Variants in RNLS observed in about 807,000 individuals in gnomAD.
RNLS encodes the protein renalase.
A neutral mutation model predicts 39.8 loss-of-function variants in RNLS; 39 were observed. That is an observed-to-expected ratio of 0.98 (90% confidence interval 0.76 to 1.28). The LOEUF is 1.28. Among genes scored for constraint, RNLS ranks in the 50% most tolerant of loss-of-function variants. The probability of loss-of-function intolerance (pLI) is 0.00; values close to 1 mark genes in which losing one functional copy is unlikely to be tolerated. For missense variants in RNLS, 410 were observed against 413.3 expected (o/e 0.99, Z 0.07); for synonymous variants, 147 against 150.7 (o/e 0.98, Z 0.18).
intron 1 of RNLS, among the ~76,000 whole-genome samples, chr10:88,582,794 C>T (rs1462026642): frequency 2.0e-5 from 3 of 152,354 alleles, no homozygotes; most frequent in Admixed American, 1.3e-4. Context: ...CCTCCCACGC[C>T]GCTGTCTCAG....
the RNLS span, among the ~76,000 whole-genome samples, chr10:88,197,276 A>T: frequency 0.92 from 139,637 of 152,246 alleles, 64,209 homozygotes; most frequent in African/African-American, 0.95. Flanking sequence ...TGTTAGTATG[A>T]TTGTGTAATA....
chr10:88,499,187 T>C (rs996533758), intron 4 of RNLS, among the ~76,000 whole-genome samples: 2 of 152,184 alleles, frequency 1.3e-5, no homozygotes, highest in African/African-American at 2.4e-5. Context: ...CAGTAGCAGC[T>C]AGACACTTCA....
At chr10:88,429,434 G>T (rs907695550) in intron 4 of RNLS, among the ~76,000 whole-genome samples, 4 of 151,878 alleles carry the variant, frequency 2.6e-5, no homozygotes, top group African/African-American at 4.8e-5. Context: ...TCCTGAACAG[G>T]AATGTTGAAT....
chr10:88,208,582 T>C, the RNLS span, among the ~76,000 whole-genome samples: 1 of 152,116 alleles, frequency 6.6e-6, no homozygotes, highest in Non-Finnish European at 1.5e-5. Context: ...AGTTAACGTA[T>C]GGCAAAGGTA....
chr10:88,328,643 A>G (rs899699060), intron 5 of RNLS, among the ~76,000 whole-genome samples: 1 of 152,208 alleles, frequency 6.6e-6, no homozygotes, highest in Admixed American at 6.5e-5. Flanking sequence ...ATTTAAGCAT[A>G]CATATTAAAT....
At chr10:88,444,750 G>A (rs1455563777) in intron 4 of RNLS, among the ~76,000 whole-genome samples, 1 of 152,152 alleles carries the variant, frequency 6.6e-6, no homozygotes, top group Non-Finnish European at 1.5e-5. Context: ...ATGAAATGAA[G>A]CAAGAAGAGA....
chr10:88,282,875 C>T (rs183824995), downstream of RNLS, among the ~76,000 whole-genome samples: 49 of 152,274 alleles, frequency 3.2e-4, no homozygotes, highest in African/African-American at 1.0e-3. Flanking sequence ...CTGGCAAAGG[C>T]TATATTTATC....
intron 5 of RNLS, among the ~76,000 whole-genome samples, chr10:88,329,111 G>C (rs1397850715): frequency 6.7e-6 from 1 of 150,360 alleles, no homozygotes; most frequent in Non-Finnish European, 1.5e-5. Context: ...CTCTCACCCA[G>C]GTTTGAAGTA....
chr10:88,191,231 T>G, the RNLS span, among the ~76,000 whole-genome samples: 2 of 152,086 alleles, frequency 1.3e-5, no homozygotes, highest in African/African-American at 2.4e-5. Context: ...GCTCCCTTCT[T>G]TGGATGCGCA....
chr10:88,556,498 T>A (rs1236565753), intron 4 of RNLS, among the ~76,000 whole-genome samples: 2 of 152,174 alleles, frequency 1.3e-5, no homozygotes, highest in African/African-American at 4.8e-5. Context: ...ACATAAGGTC[T>A]TTCCTGAAAT....
chr10:88,500,532 T>A (rs560664537), intron 4 of RNLS, among the ~76,000 whole-genome samples: 6 of 152,176 alleles, frequency 3.9e-5, no homozygotes, highest in Admixed American at 2.0e-4. Context: ...AACTTTTACA[T>A]GCTTGTTTTA....
At chr10:88,243,172 C>T in the RNLS span, among the ~76,000 whole-genome samples, 2 of 152,190 alleles carry the variant, frequency 1.3e-5, no homozygotes, top group African/African-American at 2.4e-5. Context: ...GGGATACTCA[C>T]TAAATTTTAA....
chr10:88,462,000 A>G (rs1842952549), intron 4 of RNLS, among the ~76,000 whole-genome samples: 1 of 152,076 alleles, frequency 6.6e-6, no homozygotes, highest in South Asian at 2.1e-4. Flanking sequence ...TCACAGTTTC[A>G]AGGGACCATA....
chr10:88,326,491 T>G (rs923420211), intron 5 of RNLS, among the ~76,000 whole-genome samples: 3 of 152,224 alleles, frequency 2.0e-5, no homozygotes, highest in African/African-American at 7.2e-5. Flanking sequence ...TTAAGGCATC[T>G]GGTGGAAGAA....
chr10:88,323,364 G>A (rs1846324568), intron 5 of RNLS, among the ~76,000 whole-genome samples: 3 of 152,090 alleles, frequency 2.0e-5, no homozygotes, highest in African/African-American at 7.2e-5. Context: ...TATACTACAA[G>A]GCTACAGTAT....
chr10:88,520,484 C>T (rs1469564542), intron 4 of RNLS, among the ~76,000 whole-genome samples: 1 of 151,920 alleles, frequency 6.6e-6, no homozygotes, highest in Non-Finnish European at 1.5e-5. Flanking sequence ...ACAGGGCTGG[C>T]TTAGGCTCAA....
At chr10:88,371,103 G>A (rs898118675) in intron 4 of RNLS, among the ~76,000 whole-genome samples, 3 of 152,012 alleles carry the variant, frequency 2.0e-5, no homozygotes, top group African/African-American at 7.2e-5. Context: ...GTGTGACATT[G>A]GACGAGCTAC....
the RNLS span, among the ~76,000 whole-genome samples, chr10:88,254,807 C>A: frequency 2.6e-5 from 4 of 152,166 alleles, no homozygotes; most frequent in African/African-American, 9.7e-5. Context: ...GGATTTGAAC[C>A]CTGATCTTGT....
chr10:88,460,025 A>G (rs942773170), intron 4 of RNLS, among the ~76,000 whole-genome samples: 1 of 152,082 alleles, frequency 6.6e-6, no homozygotes, highest in African/African-American at 2.4e-5. Flanking sequence ...CATTTTTTTG[A>G]GTTCAGCATG....
Sources: gnomAD v4.1 joint callset for allele counts (sites outside exome capture counted in the v4.1 genomes callset) on GRCh38, gnomAD v4.1.1 for gene constraint, MANE v1.5 for transcripts, NCBI Gene and HGNC (gene_info 2026-07-23, HGNC 2026-07-21) for gene names.